The following SCAF8 variants were observed in gnomAD, a reference collection of about 807,000 sequenced individuals.
SCAF8 encodes the protein SR-related CTD associated factor 8, also known as SR-related and CTD-associated factor 8.
In SCAF8, 23 loss-of-function variants were observed where a neutral mutation model predicts 140.5. The ratio of observed to expected loss-of-function variants is 0.16; its 90% CI spans 0.12 to 0.23. The LOEUF is 0.23. SCAF8 is among the 10% of genes least tolerant of loss of function. SCAF8 has a pLI of 1.00. For synonymous variants in SCAF8, 575 were observed against 528.9 expected, an observed-to-expected ratio of 1.09 and a Z score of -1.20; for missense variants, 1,397 against 1,555.7, an observed-to-expected ratio of 0.90 and a Z score of 1.72.
chr6:154,734,383 C>T (rs1181931853), intron 1 of SCAF8, among the ~76,000 whole-genome samples: 2 of 152,316 alleles, frequency 1.3e-5, no homozygotes, highest in East Asian at 3.9e-4. Context: ...GGGAAATGAA[C>T]CTACGGGGTG....
chr6:154,769,065 A>C (rs1776662703), intron 1 of SCAF8, among the ~76,000 whole-genome samples: 1 of 31,764 alleles, frequency 3.1e-5, no homozygotes, highest in South Asian at 1.6e-3. Flanking sequence ...ACTGTCTCAA[A>C]AAAAAAAAAA....
intron 1 of SCAF8, among the ~76,000 whole-genome samples, chr6:154,762,463 A>G (rs1776433785): frequency 6.6e-6 from 1 of 151,974 alleles, no homozygotes; most frequent in African/African-American, 2.4e-5. Flanking sequence ...CATTGGTCCC[A>G]TTTCTGGTCT....
intron 1 of SCAF8, among the ~76,000 whole-genome samples, chr6:154,752,580 A>G (rs1232576590): frequency 1.3e-5 from 2 of 152,144 alleles, no homozygotes; most frequent in South Asian, 4.1e-4. Flanking sequence ...TCTTCATATT[A>G]TAACATAATT....
At chr6:154,751,109 T>A (rs557455354) in intron 1 of SCAF8, among the ~76,000 whole-genome samples, 1 of 152,332 alleles carries the variant, frequency 6.6e-6, no homozygotes, top group South Asian at 2.1e-4. Flanking sequence ...GATTTTAGAA[T>A]AGGGTGGCTA....
At chr6:154,807,946 G>T in intron 9 of SCAF8, 124 bp from the exon 10 acceptor site, 2 of 769,280 alleles carry the variant, frequency 2.6e-6, no homozygotes, top group South Asian at 2.6e-5. Flanking sequence ...GATTTAACAT[G>T]GAATTTCTTT....
At chr6:154,821,076 G>A (rs1218610921) in intron 15 of SCAF8, among the ~76,000 whole-genome samples, 1 of 151,968 alleles carries the variant, frequency 6.6e-6, no homozygotes, top group East Asian at 1.9e-4. Context: ...CCCGCCAATG[G>A]CTGCTTATTC....
chr6:154,806,360 T>C (rs1777913745), intron 9 of SCAF8, among the ~76,000 whole-genome samples: 1 of 152,140 alleles, frequency 6.6e-6, no homozygotes, highest in African/African-American at 2.4e-5. Flanking sequence ...GAAACCCCCT[T>C]TCCCTCCCCA....
rs1778497445 is a variant in SCAF8, at chr6:154,824,174, G to A, written c.1927-60G>A. 3.2e-6 allele frequency: 5 copies of A among 1,551,882 alleles called. No homozygotes were observed. In the South Asian group the frequency reaches 5.8e-5, roughly 18 times the overall value. The stretch of plus-strand genomic sequence containing the variant: ...AGAGAAATAGAATAATTTGCCTTTA[G>A]TTGTTCCAAGATGCAGGTGAATAAA... On this transcript the variant is annotated intron_variant, in intron 16 of 19. Transcript: ENST00000367178.
chr6:154,778,117 A>G (rs1430620596), intron 3 of SCAF8, 72 bp downstream of exon 3: 3 of 804,804 alleles, frequency 3.7e-6, no homozygotes, highest in Non-Finnish European at 6.1e-6. Flanking sequence ...TTTAGATCAA[A>G]TACCCAAGTT....
chr6:154,830,374 T>C (rs1463343773), intron 18 of SCAF8, among the ~76,000 whole-genome samples: 3 of 152,230 alleles, frequency 2.0e-5, no homozygotes, highest in Non-Finnish European at 4.4e-5. Flanking sequence ...TTTTTTAATA[T>C]GTGTGACAAA....
At chr6:154,799,795 T>G (rs1412278356) in intron 6 of SCAF8, among the ~76,000 whole-genome samples, 1 of 150,422 alleles carries the variant, frequency 6.6e-6, no homozygotes, top group Non-Finnish European at 1.5e-5. Flanking sequence ...ATTTATTTAT[T>G]TATTTAGAGA....
intron 1 of SCAF8, among the ~76,000 whole-genome samples, chr6:154,757,909 C>CTTT (rs750337401): frequency 4.5e-5 from 6 of 132,646 alleles, no homozygotes; most frequent in Admixed American, 1.5e-4. Context: ...GTAAGTTTCA[C>CTTT]TTTTTTTTTT....
chr6:154,823,663 G>A (rs1419344691), intron 16 of SCAF8, among the ~76,000 whole-genome samples: 3 of 152,146 alleles, frequency 2.0e-5, no homozygotes, highest in Non-Finnish European at 2.9e-5. Context: ...TGGGAAGGAC[G>A]ACTGGAAAAT....
chr6:154,774,148 T>A, intron 2 of SCAF8, 76 bp downstream of exon 2: 1 of 943,022 alleles, frequency 1.1e-6, no homozygotes, highest in African/African-American at 1.7e-5. Flanking sequence ...ATAATTTTTT[T>A]ATGGATTATA....
At chr6:154,738,989 ATTG>A (rs538382632) in intron 1 of SCAF8, among the ~76,000 whole-genome samples, 60 of 152,124 alleles carry the variant, frequency 3.9e-4, no homozygotes, top group African/African-American at 1.4e-3. Context: ...AATACAGCAG[ATTG>A]TTGTTGTTAT....
intron 7 of SCAF8, among the ~76,000 whole-genome samples, chr6:154,803,061 T>A (rs1283555089): frequency 6.6e-6 from 1 of 152,194 alleles, no homozygotes; most frequent in African/African-American, 2.4e-5. Context: ...AGATACTGAT[T>A]TATTGGATTA....
At position 154,832,008 on chromosome 6, in the gene SCAF8, C is replaced by A; in HGVS notation, c.2429C>A (p.Ser810Tyr). ...GGQPPNVTSN[S>Y]GILGVQRPNV... is the part of the protein sequence containing the mutation. ...CAGCCGCCAAATGTGACAAGCAATT[C>A]TGGAATTCTGGGAGTCCAAAGACCA... is the stretch of plus-strand genomic sequence containing the variant. The change falls in exon 20 of 20, where the codon TCT becomes TAT. Residue 810 changes from serine to tyrosine, a missense_variant. Around this residue, in one of 5 missense-constraint regions of SCAF8, gnomAD observed 930 missense variants for 874.6 expected, o/e 1.06. Coordinates refer to ENST00000367178, the MANE Select transcript of SCAF8 (RefSeq NM_014892.5). 6.2e-7 allele frequency: 1 copy of A among 1,613,546 alleles called. No homozygotes were observed.
intron 1 of SCAF8, among the ~76,000 whole-genome samples, chr6:154,743,383 T>C (rs1778620695): frequency 6.6e-6 from 1 of 152,234 alleles, no homozygotes; most frequent in South Asian, 2.1e-4. Flanking sequence ...ATGTTTTCTT[T>C]TGTCCGTGAG....
At chr6:154,782,520 A>T (rs563950040) in intron 3 of SCAF8, among the ~76,000 whole-genome samples, 2 of 152,114 alleles carry the variant, frequency 1.3e-5, no homozygotes, top group Non-Finnish European at 2.9e-5. Flanking sequence ...AGGTTTTAGA[A>T]CTTGTTATGA....
Sources: gnomAD v4.1 joint callset for allele counts (sites outside exome capture counted in the v4.1 genomes callset) on GRCh38, gnomAD v4.1.1 for gene constraint, gnomAD v4.1.1 regional missense constraint, MANE v1.5 for transcripts, NCBI Gene and HGNC (gene_info 2026-07-23, HGNC 2026-07-21) for gene names.